Variants in EAF1 observed in about 807,000 individuals in gnomAD.
EAF1 encodes ELL-associated factor 1.
EAF1 carries 19 observed loss-of-function variants against 26.6 expected under a neutral mutation model. The observed-to-expected ratio is 0.71, with a 90% CI of 0.50 to 1.05. The LOEUF (loss-of-function observed/expected upper bound fraction) is 1.05. EAF1 is among the 50% of genes least tolerant of loss of function. EAF1 has a pLI of 0.00. For synonymous variants in EAF1, 102 were observed against 120.6 expected, an observed-to-expected ratio of 0.85 and a Z score of 1.01; for missense variants, 260 against 335.5, an observed-to-expected ratio of 0.78 and a Z score of 1.76.
Position 15,429,988 on chromosome 3 carries a change from T to G in EAF1, c.179T>G (p.Ile60Ser), listed in dbSNP as rs769362188. Residue 60 changes from isoleucine (I) to serine (S), a missense_variant, in exon 2 of 6, where the codon ATT (isoleucine) becomes AGT (serine). Physicochemically the swap from Ile to Ser is moderately radical, Grantham distance 142 (BLOSUM62 -2). Coordinates refer to ENST00000396842, the MANE Select transcript of EAF1 (RefSeq NM_033083.7). ...GTTGGCAAAGGAGATGAAGTCACAATTACACTGCCACATATCCCTGTGAGT... is the reference window on the plus strand; with the variant it reads ...GTTGGCAAAGGAGATGAAGTCACAAGTACACTGCCACATATCCCTGTGAGT... ...LQVGKGDEVT[I>S]TLPHIPGSTP... The G allele has an allele frequency of 6.2e-7, 1 of 1,609,606 alleles. No homozygotes were observed. Among genetic ancestry groups the G allele is most frequent in the Non-Finnish European group, 8.5e-7 (1 of 1,176,942 alleles).
chr3:15,430,459 CAAA>C (rs11300135), intron 2 of EAF1, among the ~76,000 whole-genome samples: 18 of 129,938 alleles, frequency 1.4e-4, no homozygotes, highest in Admixed American at 2.4e-4. Context: ...GACTCCCCCT[CAAA>C]AAAAAAAAAA....
At chr3:15,435,185 A>C (rs1001838489) in intron 4 of EAF1, among the ~76,000 whole-genome samples, 8 of 152,244 alleles carry the variant, frequency 5.3e-5, no homozygotes, top group African/African-American at 1.9e-4. Context: ...GAGGACCAAT[A>C]GAAACAGATA....
At chr3:15,431,608 G>T in intron 2 of EAF1, among the ~76,000 whole-genome samples, 1 of 152,212 alleles carries the variant, frequency 6.6e-6, no homozygotes, top group East Asian at 1.9e-4. Context: ...ATTGAGGAGT[G>T]ATTGAAAGGC....
At chr3:15,438,086 C>A (rs891018986) in intron 5 of EAF1, among the ~76,000 whole-genome samples, 1 of 152,216 alleles carries the variant, frequency 6.6e-6, no homozygotes, top group Non-Finnish European at 1.5e-5. Context: ...TCAGACCCCC[C>A]TGAAAGGGTT....
chr3:15,430,367 G>A (rs1559504332), intron 2 of EAF1, among the ~76,000 whole-genome samples: 2 of 151,702 alleles, frequency 1.3e-5, no homozygotes, highest in Non-Finnish European at 2.9e-5. Flanking sequence ...AGCGGAGCTG[G>A]GAGGATCGCT....
chr3:15,436,139 G>A (rs2061833321), intron 4 of EAF1: 1 of 421,372 alleles, frequency 2.4e-6, no homozygotes, highest in Non-Finnish European at 4.3e-6. Context: ...TGAATTTAAT[G>A]TTTCCATTGT....
chr3:15,432,661 A>G (rs926437914), intron 3 of EAF1, among the ~76,000 whole-genome samples: 1 of 152,232 alleles, frequency 6.6e-6, no homozygotes, highest in Non-Finnish European at 1.5e-5. Flanking sequence ...ATTTTTTAAT[A>G]TAGTGAACTC....
rs2061837692 is a variant in EAF1, at chr3:15,436,579, A to G, written c.760+4A>G. Reference sequence around the variant, plus strand: ...AACCAGCTCATGAACACCCTCAGTAAGTGTGTACTCCTTTTTATGGCTGAG... The same window carrying G: ...AACCAGCTCATGAACACCCTCAGTAGGTGTGTACTCCTTTTTATGGCTGAG... On this transcript the variant is annotated splice_donor_region_variant and intron_variant, in intron 5 of 5. Coordinates refer to ENST00000396842, the MANE Select transcript of EAF1 (RefSeq NM_033083.7). The G allele has an allele frequency of 1.9e-6, 3 of 1,577,212 alleles. No homozygotes were observed. Among genetic ancestry groups the G allele is most frequent in the Non-Finnish European group, 1.7e-6 (2 of 1,151,302 alleles).
At chr3:15,429,832 T>C (rs1334960003) in intron 1 of EAF1, 81 bp from the exon 2 acceptor site, 6 of 851,170 alleles carry the variant, frequency 7.0e-6, no homozygotes, top group Admixed American at 2.2e-5. Flanking sequence ...AGTAATAATT[T>C]TAATTCTTAA....
intron 2 of EAF1, among the ~76,000 whole-genome samples, 200 bp downstream of exon 2, chr3:15,430,207 C>T (rs995988617): frequency 6.6e-6 from 1 of 151,910 alleles, no homozygotes; most frequent in Admixed American, 6.6e-5. Context: ...TCTTGTAATC[C>T]TAGCATTTTG....
In EAF1 at chr3:15,440,790, G is replaced by T. The variant is rs2061864246; in HGVS notation, c.*1635G>T. 1 of 152,604 alleles carries T rather than the reference G, an allele frequency of 6.6e-6. No individual in the cohort carries two copies. The highest frequency in any genetic ancestry group is 2.4e-5 in the African/African-American group (1 of 41,414). The allele number at this position is 152,604 out of a possible 1,614,324, so 9.5% of individuals were successfully genotyped here. On this transcript the variant is annotated 3_prime_UTR_variant, in exon 6 of 6. Transcript: ENST00000396842. ...ATCATGAGATTTTGGTGGATTTAAT[G>T]GCAGGTAGGAACTTATTTATAGTGG...
intron 1 of EAF1, among the ~76,000 whole-genome samples, chr3:15,428,395 C>T (rs966650165): frequency 6.6e-6 from 1 of 152,164 alleles, no homozygotes; most frequent in African/African-American, 2.4e-5. Flanking sequence ...AAATACTGTG[C>T]TTTGTCCCCT....
At chr3:15,428,617 G>A (rs1559503582) in intron 1 of EAF1, among the ~76,000 whole-genome samples, 1 of 152,158 alleles carries the variant, frequency 6.6e-6, no homozygotes, top group African/African-American at 2.4e-5. Flanking sequence ...GCAGAAGAGA[G>A]CAGGCGTAAG....
intron 1 of EAF1, among the ~76,000 whole-genome samples, chr3:15,428,085 C>G (rs1297487166): frequency 6.6e-6 from 1 of 152,118 alleles, no homozygotes; most frequent in African/African-American, 2.4e-5. Flanking sequence ...CTTCGTCACT[C>G]CCTACTATTC....
In EAF1 at chr3:15,440,625, ATTAGAG is replaced by A. The variant is rs892970259; in HGVS notation, c.*1474_*1479del. ...TAGGTGGTCTGTCATAGGGGCTTTC[ATTAGAG>A]TTAAACTTCATAGAGTCAACTGTTT... On this transcript the variant is annotated 3_prime_UTR_variant, in exon 6 of 6. Transcript: ENST00000396842. 82 of 152,608 alleles carry A rather than the reference ATTAGAG, an allele frequency of 5.4e-4. No individual in the cohort carries two copies. Among genetic ancestry groups the A allele is most frequent in the African/African-American group, 1.9e-3 (77 of 41,540 alleles). 9.5% of individuals were successfully genotyped at this position (152,608 alleles called of 1,614,324 possible).
chr3:15,439,139 G>GT lies in EAF1; in HGVS notation c.792dup (p.Asp265Ter). 6.2e-7 allele frequency: 1 copy of GT among 1,613,332 alleles called. No homozygotes were observed. Among genetic ancestry groups the GT allele is most frequent in the Non-Finnish European group, 8.5e-7 (1 of 1,179,736 alleles). On this transcript the variant is annotated frameshift_variant, in exon 6 of 6. Transcript: ENST00000396842. LOFTEE classifies it high-confidence loss of function. ...GACTTGCAGTTGAGTGAGTCTGGCA[G>GT]TGACAGTGATGACTAGTGCTGGATC...
intron 4 of EAF1, 188 bp from the exon 5 acceptor site, chr3:15,436,154 C>T (rs1360120820): frequency 2.2e-6 from 1 of 448,318 alleles, no homozygotes; most frequent in Admixed American, 3.6e-5. Flanking sequence ...CATTGTGTCT[C>T]TGGAAACAGG....
At chr3:15,437,001 T>A (rs1436693316) in intron 5 of EAF1, among the ~76,000 whole-genome samples, 1 of 152,084 alleles carries the variant, frequency 6.6e-6, no homozygotes, top group Non-Finnish European at 1.5e-5. Flanking sequence ...GTTCAAGCGA[T>A]TCTCCTGCTT....
chr3:15,435,922 G>C (rs2061831818), intron 4 of EAF1, among the ~76,000 whole-genome samples: 1 of 152,068 alleles, frequency 6.6e-6, no homozygotes, highest in Admixed American at 6.5e-5. Context: ...TCCAAAACAA[G>C]CACTCAGACC....
Sources: allele counts gnomAD v4.1 joint callset (sites outside exome capture counted in the v4.1 genomes callset), GRCh38; gene constraint gnomAD v4.1.1; transcripts MANE v1.5; gene names NCBI Gene and HGNC (gene_info 2026-07-23, HGNC 2026-07-21).